PRRG3: variants seen among roughly 807,000 people sequenced by gnomAD.
PRRG3 encodes the protein transmembrane gamma-carboxyglutamic acid protein 3.
PRRG3 carries 21 observed loss-of-function variants against 15.8 expected under a neutral mutation model. That is an observed-to-expected ratio of 1.33 (90% CI 0.94 to 1.92). The LOEUF (loss-of-function observed/expected upper bound fraction) is 1.92. PRRG3 is among the 40% of genes most tolerant of loss of function. The pLI is 0.00. For synonymous variants in PRRG3, 125 were observed against 84.1 expected, an observed-to-expected ratio of 1.49 and a Z score of -2.66; for missense variants, 251 against 200.2, an observed-to-expected ratio of 1.25 and a Z score of -1.53.
At position 151,700,938 on chromosome X, in the gene PRRG3, C is replaced by T; in HGVS notation, c.601C>T (p.Gln201Ter). ...CTCCTACGAGGAGGTGACTGCGCCC[C>T]AAGAGAGCAGCAGTGAGGAGGCCAG... is the stretch of plus-strand genomic sequence containing the variant. ...PPSYEEVTAPQESSSEEASVS... is the reference protein window; with the variant it reads ...PPSYEEVTAP Residue 201 changes from glutamine to a stop codon, truncating the protein, a stop_gained, in exon 4 of 4, where the codon CAA becomes TAA. Coordinates refer to ENST00000674457, the MANE Select transcript of PRRG3 (RefSeq NM_001372163.1). LOFTEE classifies it high-confidence loss of function. 8.3e-7 allele frequency: 1 copy of T among 1,210,632 alleles called. No homozygotes were observed. The highest frequency in any genetic ancestry group is 1.1e-6 in the Non-Finnish European group (1 of 894,827).
chrX:151,705,639 C>A lies in PRRG3; in HGVS notation c.*4606C>A. The A allele has an allele frequency of 4.9e-6, 1 of 202,973 alleles. No individual in the cohort carries two copies. Among genetic ancestry groups the A allele is most frequent in the Non-Finnish European group, 9.3e-6 (1 of 107,327 alleles). The allele number at this position is 202,973 out of a possible 1,213,427, so 16.7% of individuals were successfully genotyped here. On this transcript the variant is annotated 3_prime_UTR_variant, in exon 4 of 4. Transcript: ENST00000674457. ...ATTGTGAATTTGTGACAGTGGAAAC[C>A]CTGATATGTGCAACTGAGCTTATAG...
intron 1 of PRRG3, among the ~76,000 whole-genome samples, chrX:151,697,507 G>A (rs1356503725): frequency 9.0e-6 from 1 of 111,298 alleles, no homozygotes; most frequent in Non-Finnish European, 1.9e-5. Flanking sequence ...AAAGGATTAG[G>A]TGGCATATTA....
chrX:151,701,200 G>A lies in PRRG3; in HGVS notation c.*167G>A. 1 of 444,199 alleles carries A rather than the reference G, an allele frequency of 2.3e-6. No individual in the cohort carries two copies. The highest frequency in any genetic ancestry group is 9.7e-5 in the South Asian group (1 of 10,313). 36.6% of individuals were successfully genotyped at this position (444,199 alleles called of 1,213,427 possible). A position where few individuals can be genotyped will look rare whatever the true frequency, so the allele number is the denominator to read the frequency against. On this transcript the variant is annotated 3_prime_UTR_variant, in exon 4 of 4. Transcript: ENST00000674457. ...AAGTCAGTTGTCAGAGACAGGTGGG[G>A]AGGGTGGGGGTAGGGACCACGCATG...
chrX:151,700,757 T>C lies in PRRG3; in HGVS notation c.420T>C (p.His140=), dbSNP rs965372200. 2 of 1,204,404 alleles carry C rather than the reference T, an allele frequency of 1.7e-6. No individual in the cohort carries two copies. The highest frequency in any genetic ancestry group is 2.2e-6 in the Non-Finnish European group (2 of 890,455). The change falls in exon 4 of 4, where the codon CAT becomes CAC. Residue 140 remains histidine (H), a synonymous_variant. Transcript: ENST00000674457. ...TCATGGTGTACCGGGGTACTGTGCA[T>C]AGCCAAGGGGAGCCTTCTGGGCACC... is the stretch of plus-strand genomic sequence containing the variant. ...PRVMVYRGTV[H]SQGEPSGHRE... is the part of the protein sequence containing the mutation.
chrX:151,699,952 T>A (rs375068039), intron 2 of PRRG3, 44 bp from the exon 3 acceptor site: 280 of 1,144,229 alleles, frequency 2.4e-4, no homozygotes, highest in Non-Finnish European at 3.2e-4. Context: ...AAGGAGCCCC[T>A]GGGCATCTCC....
Position 151,702,894 on chromosome X carries a change from C to T in PRRG3, c.*1861C>T, listed in dbSNP as rs1003854454. 2 of 112,562 alleles carry T rather than the reference C, an allele frequency of 1.8e-5. No homozygotes were observed. The highest frequency in any genetic ancestry group is 6.5e-5 in the African/African-American group (2 of 30,950). The allele number at this position is 112,562 out of a possible 1,213,427, so 9.3% of individuals were successfully genotyped here. Reference sequence around the variant, plus strand: ...TTCCATGTTGGGGGACCTGGGGAAGCCTGAAGCTCGGGGCTAGCCCTGGCT... The same window carrying T: ...TTCCATGTTGGGGGACCTGGGGAAGTCTGAAGCTCGGGGCTAGCCCTGGCT... On this transcript the variant is annotated 3_prime_UTR_variant, in exon 4 of 4. Coordinates refer to ENST00000674457, the MANE Select transcript of PRRG3 (RefSeq NM_001372163.1).
intron 1 of PRRG3, chrX:151,698,573 G>A: frequency 3.1e-6 from 1 of 325,385 alleles, no homozygotes; most frequent in Non-Finnish European, 5.3e-6. Context: ...GGGCCCTACT[G>A]GGCCTGGGGA....
Position 151,705,133 on chromosome X carries a change from T to C in PRRG3, c.*4100T>C. The C allele has an allele frequency of 3.6e-6, 1 of 277,980 alleles. No homozygotes were observed. Among genetic ancestry groups the C allele is most frequent in the South Asian group, 3.5e-5 (1 of 28,941 alleles). The allele number at this position is 277,980 out of a possible 1,213,427, so 22.9% of individuals were successfully genotyped here. A position where few individuals can be genotyped will look rare whatever the true frequency, so the allele number is the denominator to read the frequency against. ...ATGTACAGGGTGATCTCTTGTTCTC[T>C]CTCCATCACAGGGATGTTGGATATT... On this transcript the variant is annotated 3_prime_UTR_variant, in exon 4 of 4. Transcript: ENST00000674457.
At chrX:151,696,497 T>G (rs935006539) in intron 1 of PRRG3, among the ~76,000 whole-genome samples, 4 of 110,984 alleles carry the variant, frequency 3.6e-5, no homozygotes, top group African/African-American at 1.3e-4. Flanking sequence ...CTATGATAGG[T>G]GTGACATATA....
chrX:151,700,183 G>C (rs368823898), intron 3 of PRRG3, 27 bp downstream of exon 3: 2 of 1,210,120 alleles, frequency 1.7e-6, no homozygotes, highest in Non-Finnish European at 2.2e-6. Flanking sequence ...GGCTGGTTCT[G>C]GGAGTAGGAG....
Position 151,701,903 on chromosome X carries a change from G to C in PRRG3, c.*870G>C. 8.9e-6 allele frequency: 1 copy of C among 112,796 alleles called. No homozygotes were observed. The highest frequency in any genetic ancestry group is 2.8e-4 in the East Asian group (1 of 3,581). The allele number at this position is 112,796 out of a possible 1,213,427, so 9.3% of individuals were successfully genotyped here. On this transcript the variant is annotated 3_prime_UTR_variant, in exon 4 of 4. Transcript: ENST00000674457. The stretch of plus-strand genomic sequence containing the variant: ...GCATTGAAATTGAACTTCAGATTGA[G>C]GATTTCTCCTTAACGATGGTGCGCA...
In PRRG3 at chrX:151,700,088, C is replaced by T. The variant is rs774255267; in HGVS notation, c.100C>T (p.Arg34Ter). Reference protein sequence around the residue: ...LEELRQGTIERECMEEICSYE... With the variant: ...LEELRQGTIE Reference sequence around the variant, plus strand: ...GGAGCTGCGCCAGGGCACCATCGAGCGAGAGTGCATGGAGGAGATCTGCAG... The same window carrying T: ...GGAGCTGCGCCAGGGCACCATCGAGTGAGAGTGCATGGAGGAGATCTGCAG... The change falls in exon 3 of 4, where the codon CGA (arginine) becomes TGA (stop). Residue 34 changes from arginine to a stop codon, truncating the protein, a stop_gained. Transcript: ENST00000674457. LOFTEE classifies it high-confidence loss of function. 1.6e-5 allele frequency: 19 copies of T among 1,210,135 alleles called. No individual in the cohort carries two copies. The highest frequency in any genetic ancestry group is 4.4e-5 in the Admixed American group (2 of 45,816).
chrX:151,705,128 TTC>T lies in PRRG3; in HGVS notation c.*4102_*4103del, dbSNP rs200328028. 249 of 273,342 alleles carry T rather than the reference TTC, an allele frequency of 9.1e-4. 3 individuals are homozygous for T. In the East Asian group the frequency reaches 0.02, roughly 22 times the overall value. 22.5% of individuals were successfully genotyped at this position (273,342 alleles called of 1,213,427 possible). ...CTCGTATGTACAGGGTGATCTCTTG[TTC>T]TCTCTCCATCACAGGGATGTTGGAT... On this transcript the variant is annotated 3_prime_UTR_variant, in exon 4 of 4. Transcript: ENST00000674457.
In PRRG3 at chrX:151,705,411, C is replaced by G. The variant is rs1305815475; in HGVS notation, c.*4378C>G. ...AACATACCCAAATAGCACACCCTCT[C>G]AAGCTCAATGCCTCAACAGTTGTTT... On this transcript the variant is annotated 3_prime_UTR_variant, in exon 4 of 4. Transcript: ENST00000674457. The G allele has an allele frequency of 5.9e-6, 2 of 340,864 alleles. No homozygotes were observed. Among genetic ancestry groups the G allele is most frequent in the Non-Finnish European group, 1.2e-5 (2 of 169,742 alleles). The allele number at this position is 340,864 out of a possible 1,213,427, so 28.1% of individuals were successfully genotyped here.
Position 151,703,669 on chromosome X carries a change from C to G in PRRG3, c.*2636C>G, listed in dbSNP as rs900844428. ...CGTGGCATTAACTATATTGGACACC[C>G]AACCCCCAAAGTTGTCACTGTTTGC... On this transcript the variant is annotated 3_prime_UTR_variant, in exon 4 of 4. Transcript: ENST00000674457. 1.8e-5 allele frequency: 2 copies of G among 110,432 alleles called. No homozygotes were observed. The highest frequency in any genetic ancestry group is 6.6e-5 in the African/African-American group (2 of 30,234). The allele number at this position is 110,432 out of a possible 1,213,427, so 9.1% of individuals were successfully genotyped here.
intron 1 of PRRG3, among the ~76,000 whole-genome samples, chrX:151,696,481 T>C (rs1297147722): frequency 9.0e-6 from 1 of 110,912 alleles, no homozygotes; most frequent in African/African-American, 3.3e-5. Context: ...TAACATGTAT[T>C]CGGGTCTATG....
At chrX:151,697,250 C>T (rs1051145206) in intron 1 of PRRG3, among the ~76,000 whole-genome samples, 4 of 109,299 alleles carry the variant, frequency 3.7e-5, no homozygotes, top group African/African-American at 1.3e-4. Context: ...ATCTCCGCCT[C>T]TCTGGTTCAA....
intron 1 of PRRG3, 174 bp from the exon 2 acceptor site, chrX:151,698,610 A>G: frequency 2.7e-6 from 1 of 363,766 alleles, no homozygotes; most frequent in South Asian, 6.1e-5. Context: ...CTTGGGGCAG[A>G]ATGAGAAGCA....
intron 3 of PRRG3, 149 bp downstream of exon 3, chrX:151,700,305 C>G (rs769543104): frequency 6.1e-6 from 7 of 1,150,758 alleles, no homozygotes; most frequent in East Asian, 6.1e-5. Flanking sequence ...AGATAAAGTA[C>G]GTACAGTCCC....
Sources: allele counts gnomAD v4.1 joint callset (sites outside exome capture counted in the v4.1 genomes callset), GRCh38; gene constraint gnomAD v4.1.1; transcripts MANE v1.5; gene names NCBI Gene and HGNC (gene_info 2026-07-23, HGNC 2026-07-21).